DUS2: variants seen among roughly 807,000 people sequenced by gnomAD.
DUS2 encodes the protein dihydrouridine synthase 2.
In DUS2, 52 loss-of-function variants were observed where a neutral mutation model predicts 71.3. The observed-to-expected ratio is 0.73, with a 90% CI of 0.58 to 0.92. The LOEUF (loss-of-function observed/expected upper bound fraction) is 0.92, where lower values mean the gene tolerates loss of function less well. Among genes scored for constraint, DUS2 ranks in the 40% least tolerant of loss-of-function variants. The pLI is 0.00. For synonymous variants in DUS2, 204 were observed against 227.8 expected, an observed-to-expected ratio of 0.90 and a Z score of 0.94; for missense variants, 558 against 622.6, an observed-to-expected ratio of 0.90 and a Z score of 1.10.
chr16:68,068,511 G>T (rs560300809), intron 10 of DUS2, among the ~76,000 whole-genome samples: 1 of 151,440 alleles, frequency 6.6e-6, no homozygotes, highest in South Asian at 2.1e-4. Context: ...TTATAGGGTT[G>T]TCCCAGGGCT....
intron 3 of DUS2, among the ~76,000 whole-genome samples, chr16:68,045,377 G>A (rs1023670232): frequency 1.3e-5 from 2 of 151,726 alleles, no homozygotes; most frequent in Admixed American, 6.6e-5. Flanking sequence ...AGACCGAGGC[G>A]GGTGGATCAC....
intron 2 of DUS2, among the ~76,000 whole-genome samples, chr16:68,035,522 A>G (rs1197985224): frequency 1.3e-5 from 2 of 151,474 alleles, no homozygotes; most frequent in African/African-American, 4.9e-5. Context: ...TACTCTGACC[A>G]TAGGCATATG....
intron 13 of DUS2, among the ~76,000 whole-genome samples, chr16:68,074,442 C>T (rs746230931): frequency 1.8e-4 from 27 of 152,206 alleles, no homozygotes; most frequent in Admixed American, 4.6e-4. Flanking sequence ...AGGCCAGGCC[C>T]CCAGGAACCA....
intron 11 of DUS2, 111 bp from the exon 12 acceptor site, chr16:68,070,829 C>A: frequency 8.5e-7 from 1 of 1,182,548 alleles, no homozygotes. Flanking sequence ...GCTGAAGGGA[C>A]TTGGCCAAAT....
At chr16:68,037,504 G>A (rs1293900817) in intron 2 of DUS2, among the ~76,000 whole-genome samples, 2 of 148,366 alleles carry the variant, frequency 1.3e-5, no homozygotes, top group Non-Finnish European at 3.0e-5. Context: ...TGCAACCTCC[G>A]CCTCCCAGGT....
At chr16:68,054,547 G>A in intron 5 of DUS2, 27 bp from the exon 6 acceptor site, 2 of 1,614,048 alleles carry the variant, frequency 1.2e-6, no homozygotes, top group East Asian at 2.2e-5. Flanking sequence ...TCAGGGCAGT[G>A]GTTGATGCAG....
At chr16:68,046,864 A>G (rs1011835678) in intron 3 of DUS2, among the ~76,000 whole-genome samples, 9 of 151,226 alleles carry the variant, frequency 6.0e-5, no homozygotes, top group Admixed American at 1.3e-4. Context: ...CTCCTGCCTC[A>G]GCCTCCGGAG....
At chr16:68,068,587 T>A (rs1216432666) in intron 10 of DUS2, among the ~76,000 whole-genome samples, 1 of 85,454 alleles carries the variant, frequency 1.2e-5, no homozygotes, top group Non-Finnish European at 2.3e-5. Flanking sequence ...TCTCTCTCTT[T>A]TTTTTTTTTT....
intron 13 of DUS2, among the ~76,000 whole-genome samples, chr16:68,074,482 A>T (rs948021007): frequency 2.0e-5 from 3 of 152,140 alleles, no homozygotes; most frequent in African/African-American, 7.2e-5. Context: ...TGTAGCATGG[A>T]GCCTCTACCT....
At chr16:68,039,662 C>T (rs1347772816) in intron 3 of DUS2, among the ~76,000 whole-genome samples, 2 of 151,976 alleles carry the variant, frequency 1.3e-5, no homozygotes, top group Admixed American at 1.3e-4. Context: ...ACCTCATGAT[C>T]CTCACGTCTC....
chr16:68,037,829 C>A, intron 2 of DUS2, 177 bp from the exon 3 acceptor site: 1 of 569,988 alleles, frequency 1.8e-6, no homozygotes. Flanking sequence ...TGCACTCCAG[C>A]CTGGGTGACA....
At chr16:68,035,929 T>TATAC (rs1416625748) in intron 2 of DUS2, among the ~76,000 whole-genome samples, 67 of 108,478 alleles carry the variant, frequency 6.2e-4, no homozygotes, top group African/African-American at 2.4e-3. Flanking sequence ...TATATATATA[T>TATAC]ACACACATAC....
chr16:68,045,494 C>G (rs1241902647), intron 3 of DUS2, among the ~76,000 whole-genome samples: 1 of 151,286 alleles, frequency 6.6e-6, no homozygotes, highest in Non-Finnish European at 1.5e-5. Flanking sequence ...GCCTGTAATC[C>G]CAGCTACTAG....
chr16:68,023,755 GCTT>G (rs1386858810), intron 1 of DUS2: 2 of 167,292 alleles, frequency 1.2e-5, no homozygotes, highest in African/African-American at 2.4e-5. Context: ...ATGGCTTTCA[GCTT>G]CTTCTCTCTC....
At chr16:68,072,101 C>T (rs1400720097) in intron 12 of DUS2, among the ~76,000 whole-genome samples, 2 of 152,244 alleles carry the variant, frequency 1.3e-5, no homozygotes, top group Non-Finnish European at 2.9e-5. Context: ...CCACCCTCCT[C>T]TTCAGTCCTA....
intron 2 of DUS2, among the ~76,000 whole-genome samples, chr16:68,030,517 G>A (rs993801525): frequency 6.6e-6 from 1 of 152,052 alleles, no homozygotes; most frequent in Admixed American, 6.6e-5. Flanking sequence ...CTCGAACCTC[G>A]GAGGTGGAGA....
At chr16:68,054,242 A>G (rs1235162010) in intron 5 of DUS2, among the ~76,000 whole-genome samples, 4 of 152,196 alleles carry the variant, frequency 2.6e-5, no homozygotes, top group South Asian at 2.1e-4. Flanking sequence ...TAAGTTAACA[A>G]TGGGTAACCA....
Position 68,070,941 on chromosome 16 carries a change from G to A in DUS2, c.643G>A (p.Gly215Arg), listed in dbSNP as rs1277433054. Residue 215 changes from glycine to arginine, a missense_variant and splice_region_variant, in exon 12 of 17, where the codon GGA (glycine) becomes AGA (arginine). Transcript: ENST00000565263. The stretch of plus-strand genomic sequence containing the variant: ...CCTAACCCTCTGGTTGCTTTTTAGC[G>A]GAGGATCTCATGACCACATCCAACA... Reference protein sequence around the residue: ...DTLSIPVIANGGSHDHIQQYS... With the variant: ...DTLSIPVIANRGSHDHIQQYS... The A allele has an allele frequency of 5.0e-6, 8 of 1,613,906 alleles. No individual in the cohort carries two copies. The highest frequency in any genetic ancestry group is 3.3e-5 in the Admixed American group (2 of 60,010).
intron 2 of DUS2, among the ~76,000 whole-genome samples, chr16:68,033,657 T>A (rs1056357299): frequency 7.9e-4 from 115 of 145,284 alleles, no homozygotes; most frequent in Non-Finnish European, 1.1e-3. Flanking sequence ...TTTTTTTTTT[T>A]ATATAGAGTC....
Sources: allele counts gnomAD v4.1 joint callset (sites outside exome capture counted in the v4.1 genomes callset), GRCh38; gene constraint gnomAD v4.1.1; transcripts MANE v1.5; gene names NCBI Gene and HGNC (gene_info 2026-07-23, HGNC 2026-07-21).